EPC2: variants seen among roughly 807,000 people sequenced by gnomAD.
The protein encoded by EPC2 is enhancer of polycomb homolog 2.
EPC2 carries 14 observed loss-of-function variants against 92.1 expected under a neutral mutation model. That is an observed-to-expected ratio of 0.15 (90% CI 0.10 to 0.24). EPC2 has a LOEUF of 0.24. EPC2 is among the 10% of genes least tolerant of loss of function. The probability of loss-of-function intolerance (pLI) is 1.00; values close to 1 mark genes in which losing one functional copy is unlikely to be tolerated. For synonymous variants in EPC2, 340 were observed against 334.7 expected (o/e 1.02, Z -0.17); for missense variants, 755 against 971.5 (o/e 0.78, Z 2.96).
intron 1 of EPC2, among the ~76,000 whole-genome samples, chr2:148,688,619 T>C (rs972529647): frequency 2.6e-5 from 4 of 152,178 alleles, no homozygotes; most frequent in Admixed American, 1.3e-4. Flanking sequence ...ATATCCTGAA[T>C]TGTGTTTCTG....
chr2:148,737,213 G>A (rs1291484137), intron 2 of EPC2, among the ~76,000 whole-genome samples: 1 of 152,028 alleles, frequency 6.6e-6, no homozygotes, highest in Non-Finnish European at 1.5e-5. Flanking sequence ...TATCTTAAAG[G>A]CACTTTCAGT....
At chr2:148,762,490 G>C (rs116511781) in intron 5 of EPC2, among the ~76,000 whole-genome samples, 180 bp from the exon 6 acceptor site, 3 of 151,542 alleles carry the variant, frequency 2.0e-5, no homozygotes, top group Admixed American at 6.6e-5. Context: ...TAGTTTTTTG[G>C]TTTGTTTTGT....
At chr2:148,689,170 C>A (rs529422757) in intron 1 of EPC2, among the ~76,000 whole-genome samples, 10 of 151,626 alleles carry the variant, frequency 6.6e-5, no homozygotes, top group Admixed American at 2.0e-4. Flanking sequence ...TCTTGTAGGT[C>A]ATTGAGTGAA....
rs559188925 is a variant in EPC2 at position 148,785,431 on chromosome 2, G to A, written c.2351+430G>A. Among the ~76,000 whole-genome samples the A allele has an allele frequency of 1.3e-4, 20 of 151,984 alleles. No homozygotes were observed. In the South Asian group the frequency reaches 3.5e-3, roughly 27 times the overall value. ...CAGCCTCCGCCTCCCAGGTTCAAGC[G>A]ATTGTCCTGCCTCAGCCTCCCAAGT... On this transcript the variant is annotated intron_variant, in intron 13 of 13. Coordinates refer to ENST00000258484, the MANE Select transcript of EPC2 (RefSeq NM_015630.4).
chr2:148,695,992 A>G (rs999643894), intron 2 of EPC2, among the ~76,000 whole-genome samples: 1 of 152,244 alleles, frequency 6.6e-6, no homozygotes, highest in African/African-American at 2.4e-5. Context: ...CAGATCAGCT[A>G]GCTCTAAGGA....
chr2:148,683,016 GT>G (rs1438505406), intron 1 of EPC2, among the ~76,000 whole-genome samples: 1 of 151,192 alleles, frequency 6.6e-6, no homozygotes, highest in African/African-American at 2.4e-5. Flanking sequence ...TTTCTTACAA[GT>G]TTTCTGAATT....
At chr2:148,710,532 A>G (rs1682115363) in intron 2 of EPC2, among the ~76,000 whole-genome samples, 1 of 152,234 alleles carries the variant, frequency 6.6e-6, no homozygotes, top group African/African-American at 2.4e-5. Flanking sequence ...TCATGCTACT[A>G]TAAAGACACA....
At chr2:148,707,040 A>T (rs559606240) in intron 2 of EPC2, among the ~76,000 whole-genome samples, 19 of 152,218 alleles carry the variant, frequency 1.2e-4, no homozygotes, top group Non-Finnish European at 5.9e-5. Flanking sequence ...CCCAATTAAA[A>T]GACACAGACT....
At chr2:148,781,302 A>G (rs1558839203) in intron 10 of EPC2, among the ~76,000 whole-genome samples, 1 of 152,222 alleles carries the variant, frequency 6.6e-6, no homozygotes, top group Non-Finnish European at 1.5e-5. Flanking sequence ...TGAATAAATC[A>G]AAGTTTTTTT....
At chr2:148,773,073 T>C (rs931625581) in intron 10 of EPC2, among the ~76,000 whole-genome samples, 1 of 152,178 alleles carries the variant, frequency 6.6e-6, no homozygotes, top group African/African-American at 2.4e-5. Flanking sequence ...CTCCTATACA[T>C]TCCAGATTAA....
chr2:148,779,168 C>T (rs1285237757), intron 10 of EPC2, among the ~76,000 whole-genome samples: 3 of 152,106 alleles, frequency 2.0e-5, no homozygotes, highest in Non-Finnish European at 2.9e-5. Context: ...TATCTGTTTC[C>T]GTTTTTAATA....
At chr2:148,690,089 A>G in intron 1 of EPC2, 125 bp from the exon 2 acceptor site, 1 of 918,382 alleles carries the variant, frequency 1.1e-6, no homozygotes, top group Non-Finnish European at 1.6e-6. Flanking sequence ...GTCTTTGGCA[A>G]AGGAACTATT....
chr2:148,707,404 C>G (rs1682024840), intron 2 of EPC2, among the ~76,000 whole-genome samples: 1 of 152,172 alleles, frequency 6.6e-6, no homozygotes, highest in Non-Finnish European at 1.5e-5. Context: ...TAATGGGAGA[C>G]TTTAACACCC....
At chr2:148,773,018 A>G (rs868396179) in intron 10 of EPC2, among the ~76,000 whole-genome samples, 4 of 152,142 alleles carry the variant, frequency 2.6e-5, no homozygotes, top group East Asian at 1.9e-4. Context: ...AATGATTTTA[A>G]TATCTTCCTT....
At chr2:148,782,857 T>G (rs977585965) in intron 11 of EPC2, among the ~76,000 whole-genome samples, 1 of 152,228 alleles carries the variant, frequency 6.6e-6, no homozygotes, top group Admixed American at 6.5e-5. Context: ...GTTTTATTGC[T>G]CTATAATTCT....
intron 2 of EPC2, among the ~76,000 whole-genome samples, chr2:148,735,613 T>A (rs543467687): frequency 6.6e-6 from 1 of 152,166 alleles, no homozygotes; most frequent in Non-Finnish European, 1.5e-5. Flanking sequence ...TCTATACTTA[T>A]ACCTTTTCTT....
At chr2:148,692,969 ATATT>A (rs1233083753) in intron 2 of EPC2, 1 of 152,024 alleles carries the variant, frequency 6.6e-6, no homozygotes, top group African/African-American at 2.4e-5. Flanking sequence ...TGCACATATG[ATATT>A]TATTCTGCCT....
At chr2:148,775,658 A>AAATTAAATAAAATTAAATTTAATTT (rs373823079) in intron 10 of EPC2, among the ~76,000 whole-genome samples, 96,973 of 136,854 alleles carry the variant, frequency 0.71, 35,110 homozygotes, top group Non-Finnish European at 0.79. Flanking sequence ...TCTTTAAATA[A>AAATTAAATAAAATTAAATTTAATTT]AATTAAATAA....
At chr2:148,718,294 G>C (rs752201816) in intron 2 of EPC2, among the ~76,000 whole-genome samples, 2 of 152,106 alleles carry the variant, frequency 1.3e-5, no homozygotes, top group Non-Finnish European at 2.9e-5. Context: ...ATGCTAGCTG[G>C]TTATTTTGCA....
Sources: allele counts gnomAD v4.1 joint callset (sites outside exome capture counted in the v4.1 genomes callset), GRCh38; gene constraint gnomAD v4.1.1; transcripts MANE v1.5; gene names NCBI Gene and HGNC (gene_info 2026-07-23, HGNC 2026-07-21).